The following PPARGC1A variants were observed in gnomAD, a reference collection of about 807,000 sequenced individuals.
PPARGC1A encodes PPARG coactivator 1 alpha, also known as peroxisome proliferator-activated receptor gamma coactivator 1-alpha.
In PPARGC1A, 25 loss-of-function variants were observed where a neutral mutation model predicts 88.7. The observed-to-expected ratio is 0.28, with a 90% CI of 0.21 to 0.39. PPARGC1A has a LOEUF of 0.39. Ranked by LOEUF, PPARGC1A falls within the 10% of genes least tolerant of loss-of-function variation. The pLI, the probability that PPARGC1A is intolerant of heterozygous loss-of-function variation, is 1.00. For missense variants in PPARGC1A, 880 were observed against 968.7 expected (o/e 0.91, Z 1.22); for synonymous variants, 363 against 355.6 (o/e 1.02, Z -0.24).
the PPARGC1A span, among the ~76,000 whole-genome samples, chr4:24,303,790 A>AG: frequency 2.0e-5 from 3 of 152,204 alleles, no homozygotes; most frequent in African/African-American, 7.2e-5. Context: ...AAGAAGAAGA[A>AG]AAAAAAGCAA....
the PPARGC1A span, among the ~76,000 whole-genome samples, chr4:24,075,696 C>CCCCTG: frequency 2.0e-5 from 3 of 152,194 alleles, no homozygotes; most frequent in Admixed American, 6.5e-5. Flanking sequence ...AAAGGGAATT[C>CCCCTG]CCCTGTGCAT....
chr4:23,859,240 C>T, intron 2 of PPARGC1A, among the ~76,000 whole-genome samples: 1 of 152,102 alleles, frequency 6.6e-6, no homozygotes, highest in South Asian at 2.1e-4. Flanking sequence ...AAATGTCAGT[C>T]CCAAGTTAGG....
the PPARGC1A span, among the ~76,000 whole-genome samples, chr4:24,292,698 GCCC>G: frequency 3.8e-5 from 1 of 26,184 alleles, no homozygotes; most frequent in African/African-American, 1.9e-4. Context: ...CTTCCTACGT[GCCC>G]CCAACCCCTT....
At chr4:24,304,307 C>A in the PPARGC1A span, among the ~76,000 whole-genome samples, 1 of 152,180 alleles carries the variant, frequency 6.6e-6, no homozygotes, top group African/African-American at 2.4e-5. Flanking sequence ...CTTGTTATAA[C>A]TTGTTAAGAG....
chr4:24,260,719 C>CTT, the PPARGC1A span, among the ~76,000 whole-genome samples: 3 of 146,400 alleles, frequency 2.0e-5, no homozygotes, highest in African/African-American at 7.5e-5. Context: ...TACAACATGT[C>CTT]TTTTTTTTTT....
At chr4:23,926,705 T>C in the PPARGC1A span, among the ~76,000 whole-genome samples, 1 of 152,198 alleles carries the variant, frequency 6.6e-6, no homozygotes. Flanking sequence ...CTAACTCTCT[T>C]CATTCTTTAA....
the PPARGC1A span, among the ~76,000 whole-genome samples, chr4:24,440,130 G>A: frequency 6.6e-6 from 1 of 152,168 alleles, no homozygotes; most frequent in Non-Finnish European, 1.5e-5. Flanking sequence ...ATCCTAGAAG[G>A]TCTATGTATT....
the PPARGC1A span, among the ~76,000 whole-genome samples, chr4:24,287,633 T>C: frequency 5.1e-4 from 18 of 35,462 alleles, no homozygotes; most frequent in Middle Eastern, 0.013. Flanking sequence ...CAACACCACA[T>C]GCACACACAC....
chr4:24,100,132 AT>A, the PPARGC1A span, among the ~76,000 whole-genome samples: 1 of 152,192 alleles, frequency 6.6e-6, no homozygotes, highest in African/African-American at 2.4e-5. Flanking sequence ...TAATATATAT[AT>A]AAAGCAGAAT....
chr4:24,301,816 A>G, the PPARGC1A span, among the ~76,000 whole-genome samples: 2 of 152,096 alleles, frequency 1.3e-5, no homozygotes, highest in Non-Finnish European at 1.5e-5. Flanking sequence ...GCCTCCCTCA[A>G]ATGCAAAGAT....
chr4:24,104,325 T>C, the PPARGC1A span, among the ~76,000 whole-genome samples: 1 of 152,192 alleles, frequency 6.6e-6, no homozygotes, highest in Non-Finnish European at 1.5e-5. Context: ...AAGAGAGATC[T>C]GTGCAGGTCC....
chr4:24,023,576 TGG>T, the PPARGC1A span, among the ~76,000 whole-genome samples: 6 of 152,314 alleles, frequency 3.9e-5, no homozygotes, highest in Admixed American at 1.3e-4. Flanking sequence ...CATATACTCC[TGG>T]GGCCATAGGC....
At chr4:23,907,650 G>A (rs1369842024), upstream of PPARGC1A, among the ~76,000 whole-genome samples, 6 of 152,190 alleles carry the variant, frequency 3.9e-5, no homozygotes, top group Non-Finnish European at 8.8e-5. Flanking sequence ...AATTCAAGAG[G>A]ACTAAGTAAA....
chr4:24,189,974 G>A, the PPARGC1A span, among the ~76,000 whole-genome samples: 3 of 152,132 alleles, frequency 2.0e-5, no homozygotes, highest in African/African-American at 4.8e-5. Context: ...TTACAAGGAT[G>A]GGAAGTGGCC....
the PPARGC1A span, among the ~76,000 whole-genome samples, chr4:24,263,428 G>GACATATGTAT: frequency 0.013 from 1,932 of 146,158 alleles, 50 homozygotes; most frequent in East Asian, 0.13. Context: ...CAAGAAAAAT[G>GACATATGTAT]ACATATGTAT....
chr4:23,890,501 T>A (rs1717667737), upstream of PPARGC1A, among the ~76,000 whole-genome samples: 1 of 151,812 alleles, frequency 6.6e-6, no homozygotes, highest in Admixed American at 6.6e-5. Flanking sequence ...GATCTCCAAG[T>A]GGACTCAAGC....
At chr4:24,056,248 T>C in the PPARGC1A span, among the ~76,000 whole-genome samples, 1 of 152,230 alleles carries the variant, frequency 6.6e-6, no homozygotes, top group African/African-American at 2.4e-5. Context: ...GGCTATCAAT[T>C]CTTCTTTTTA....
the PPARGC1A span, among the ~76,000 whole-genome samples, chr4:24,349,924 T>C: frequency 6.6e-6 from 1 of 152,176 alleles, no homozygotes; most frequent in Non-Finnish European, 1.5e-5. Flanking sequence ...TGGATCCCTG[T>C]GGTGCCAGGC....
the PPARGC1A span, among the ~76,000 whole-genome samples, chr4:24,197,028 C>A: frequency 6.6e-6 from 1 of 152,186 alleles, no homozygotes; most frequent in Admixed American, 6.5e-5. Flanking sequence ...AAAAAACTTA[C>A]ACGGTGAAAG....
Sources: gnomAD v4.1 joint callset for allele counts (sites outside exome capture counted in the v4.1 genomes callset) on GRCh38, gnomAD v4.1.1 for gene constraint, MANE v1.5 for transcripts, NCBI Gene and HGNC (gene_info 2026-07-23, HGNC 2026-07-21) for gene names.